CNBD2: variants seen among roughly 807,000 people sequenced by gnomAD.
The protein encoded by CNBD2 is cyclic nucleotide binding domain containing 2, also known as cyclic nucleotide-binding domain-containing protein 2.
A neutral mutation model predicts 63.7 loss-of-function variants in CNBD2; 64 were observed. That is an observed-to-expected ratio of 1.00 (90% CI 0.82 to 1.24). CNBD2 has a LOEUF of 1.24. Among genes scored for constraint, CNBD2 ranks in the 50% most tolerant of loss-of-function variants. The pLI is 0.00. For missense variants in CNBD2, 691 were observed against 713.5 expected, an observed-to-expected ratio of 0.97 and a Z score of 0.36; for synonymous variants, 229 against 255.4, an observed-to-expected ratio of 0.90 and a Z score of 0.99.
intron 7 of CNBD2, among the ~76,000 whole-genome samples, chr20:35,994,232 AT>A (rs932407977): frequency 1.3e-5 from 2 of 151,802 alleles, no homozygotes; most frequent in Non-Finnish European, 2.9e-5. Context: ...CACCCGGCTA[AT>A]TTTGTATTTT....
In CNBD2 at chr20:35,987,279, G is replaced by A. The variant is rs2056680705; in HGVS notation, c.717-116G>A. 1.0e-5 allele frequency: 12 copies of A among 1,187,820 alleles called. No homozygotes were observed. The South Asian group carries it at 1.1e-4, about 11-fold the overall frequency. 73.6% of individuals were successfully genotyped at this position (1,187,820 alleles called of 1,614,324 possible). On this transcript the variant is annotated intron_variant, in intron 6 of 11. Transcript: ENST00000373973. ...GCCAGGTAATTGGGCAGGTAGCAGC[G>A]AAATCTTCCACCCAGGCATCCTCCA...
Position 35,980,476 on chromosome 20 carries a change from G to A in CNBD2, c.261G>A (p.Lys87=), listed in dbSNP as rs1223137072. 4 of 1,614,156 alleles carry A rather than the reference G, an allele frequency of 2.5e-6. No homozygotes were observed. In the South Asian group the frequency reaches 3.3e-5, roughly 13 times the overall value. ...FIAEEGHFPP[K]AIQIMQKKPS... The stretch of plus-strand genomic sequence containing the variant: ...CTCCCCAGGGTCACTTTCCTCCAAA[G>A]GCCATTCAGATCATGCAGAAGAAGC... Residue 87 remains lysine (K), a synonymous_variant, in exon 4 of 12, where the codon AAG becomes AAA. Coordinates refer to ENST00000373973, the MANE Select transcript of CNBD2 (RefSeq NM_001365709.1).
At chr20:35,998,040 C>CTTTTTTTTTTTTTTTT (rs1046661526) in intron 8 of CNBD2, among the ~76,000 whole-genome samples, 2 of 127,118 alleles carry the variant, frequency 1.6e-5, no homozygotes, top group South Asian at 2.5e-4. Flanking sequence ...TTTTCTTTTT[C>CTTTTTTTTTTTTTTTT]TTTTTTTTTT....
At chr20:35,956,081 G>T (rs1005378166), downstream of CNBD2, among the ~76,000 whole-genome samples, 1 of 152,136 alleles carries the variant, frequency 6.6e-6, no homozygotes, top group Non-Finnish European at 1.5e-5. Flanking sequence ...AAAGGACAGG[G>T]GCCTCATATG....
chr20:36,002,162 A>G (rs1314577990), intron 8 of CNBD2, among the ~76,000 whole-genome samples: 1 of 152,256 alleles, frequency 6.6e-6, no homozygotes, highest in East Asian at 1.9e-4. Flanking sequence ...CGGGAGGCCA[A>G]GGCTGGCGGA....
At chr20:35,974,646 T>C (rs573122958) in intron 2 of CNBD2, 2 of 152,606 alleles carry the variant, frequency 1.3e-5, no homozygotes, top group African/African-American at 2.4e-5. Flanking sequence ...CCTCTTTCCT[T>C]CAGTAGTCTC....
chr20:35,954,714 C>A, exon 1 of CNBD2: 2 of 989,310 alleles, frequency 2.0e-6, no homozygotes, highest in Non-Finnish European at 2.7e-6. Context: ...AGATAGACTT[C>A]AAGTCCCGGA....
chr20:36,012,568 C>T (rs1447263472), intron 10 of CNBD2, among the ~76,000 whole-genome samples: 3 of 151,210 alleles, frequency 2.0e-5, no homozygotes, highest in South Asian at 2.1e-4. Context: ...GGCCAGGCAT[C>T]GTGGCTCACG....
At chr20:36,018,850 C>T (rs533420689) in intron 10 of CNBD2, among the ~76,000 whole-genome samples, 1 of 152,336 alleles carries the variant, frequency 6.6e-6, no homozygotes, top group East Asian at 1.9e-4. Context: ...GCTGTGTGGC[C>T]ACGGGCAAAT....
chr20:36,013,157 G>A (rs781273852), intron 10 of CNBD2, among the ~76,000 whole-genome samples: 2 of 152,092 alleles, frequency 1.3e-5, no homozygotes, highest in Admixed American at 1.3e-4. Flanking sequence ...AGTGGCTCAC[G>A]CCTGTAATCC....
chr20:35,981,241 C>T (rs2056595483), intron 4 of CNBD2, among the ~76,000 whole-genome samples: 1 of 152,058 alleles, frequency 6.6e-6, no homozygotes, highest in Non-Finnish European at 1.5e-5. Context: ...CTTGGGTCCC[C>T]CTTTCCCCTT....
chr20:35,970,956 T>G (rs1012266971), intron 1 of CNBD2, among the ~76,000 whole-genome samples: 7 of 151,058 alleles, frequency 4.6e-5, no homozygotes, highest in Admixed American at 3.9e-4. Context: ...TTTTCTTTTT[T>G]TTTTTTTTTG....
intron 10 of CNBD2, among the ~76,000 whole-genome samples, chr20:36,017,685 A>G (rs1279879532): frequency 2.6e-5 from 4 of 152,172 alleles, no homozygotes; most frequent in Non-Finnish European, 5.9e-5. Context: ...TTTTTCATTC[A>G]ACATTTATGT....
chr20:35,966,490 G>A (rs551150526), upstream of CNBD2, among the ~76,000 whole-genome samples: 8 of 152,248 alleles, frequency 5.3e-5, no homozygotes, highest in Non-Finnish European at 1.0e-4. Context: ...TGGTGCAAGA[G>A]CAAATTGAGA....
intron 10 of CNBD2, among the ~76,000 whole-genome samples, chr20:36,019,012 A>C (rs545281882): frequency 6.6e-6 from 1 of 152,344 alleles, no homozygotes; most frequent in African/African-American, 2.4e-5. Flanking sequence ...ACAAAGTGCC[A>C]TTGTGGCTGA....
chr20:36,008,415 C>T lies in CNBD2; in HGVS notation c.1089C>T (p.Phe363=). The change falls in exon 9 of 12, where the codon TTC becomes TTT. Residue 363 remains phenylalanine (F), a synonymous_variant. Transcript: ENST00000373973. ...CCTGGGGGCTACAGGGGACAAGCTT[C>T]AGCAGGAAGATCAGAACCTCAGGAG... The part of the protein sequence containing the change: ...KKAWGLQGTS[F]SRKIRTSGDT... 1 of 1,614,110 alleles carries T rather than the reference C, an allele frequency of 6.2e-7. No homozygotes were observed. The highest frequency in any genetic ancestry group is 8.5e-7 in the Non-Finnish European group (1 of 1,180,012).
intron 8 of CNBD2, 32 bp from the exon 9 acceptor site, chr20:36,008,265 A>G (rs753484693): frequency 3.9e-6 from 6 of 1,534,476 alleles, no homozygotes; most frequent in African/African-American, 2.8e-5. Flanking sequence ...GCAAAGATCC[A>G]TAAGTATCTT....
exon 1 of CNBD2, chr20:35,954,866 C>A (rs956274062): frequency 3.4e-6 from 1 of 297,782 alleles, no homozygotes; most frequent in African/African-American, 2.3e-5. Context: ...GTTCGAGTGG[C>A]GCCCGGCCGG....
At chr20:36,010,718 C>T (rs997542840) in intron 9 of CNBD2, among the ~76,000 whole-genome samples, 1 of 151,774 alleles carries the variant, frequency 6.6e-6, no homozygotes, top group African/African-American at 2.4e-5. Flanking sequence ...AGCAGAGATC[C>T]CATCAGTGCA....
Sources: gnomAD v4.1 joint callset for allele counts (sites outside exome capture counted in the v4.1 genomes callset) on GRCh38, gnomAD v4.1.1 for gene constraint, MANE v1.5 for transcripts, NCBI Gene and HGNC (gene_info 2026-07-23, HGNC 2026-07-21) for gene names.